The following TYW1 variants were observed in gnomAD, a reference collection of about 807,000 sequenced individuals.
TYW1 encodes the protein S-adenosyl-L-methionine-dependent tRNA 4-demethylwyosine synthase TYW1.
In TYW1, 46 loss-of-function variants were observed where a neutral mutation model predicts 96.2. The ratio of observed to expected loss-of-function variants is 0.48; its 90% CI spans 0.38 to 0.61. The LOEUF is 0.61. Ranked by LOEUF, TYW1 falls within the 20% of genes least tolerant of loss-of-function variation. TYW1 has a pLI of 0.00. For missense variants in TYW1, 684 were observed against 909.6 expected (o/e 0.75, Z 3.19); for synonymous variants, 274 against 323.0 (o/e 0.85, Z 1.63).
intron 15 of TYW1, among the ~76,000 whole-genome samples, chr7:67,197,175 C>T (rs529054180): frequency 1.3e-5 from 2 of 152,354 alleles, no homozygotes; most frequent in South Asian, 4.1e-4. Flanking sequence ...GCACCTGGCT[C>T]ATAGCATGAT....
intron 13 of TYW1, among the ~76,000 whole-genome samples, chr7:67,125,402 T>A (rs939655043): frequency 1.3e-5 from 2 of 148,316 alleles, no homozygotes; most frequent in African/African-American, 2.5e-5. Flanking sequence ...TTTTTTTTTT[T>A]AATGGACTTT....
At chr7:67,147,216 A>G (rs1168598260) in intron 13 of TYW1, among the ~76,000 whole-genome samples, 1 of 152,200 alleles carries the variant, frequency 6.6e-6, no homozygotes, top group Non-Finnish European at 1.5e-5. Context: ...TGTAAAGACT[A>G]CCTAGCGTTT....
intron 2 of TYW1, 118 bp from the exon 3 acceptor site, chr7:66,998,697 TAC>T (rs1793276091): frequency 2.5e-6 from 3 of 1,178,232 alleles, no homozygotes; most frequent in South Asian, 1.5e-5. Context: ...AAGAGAAAAA[TAC>T]AGTGTGTCAG....
rs142743102 is a variant in TYW1 at position 67,092,905 on chromosome 7, G to A, written c.1385-5636G>A. ...TCACCATGTTGTTCAGGCTGGTCTC[G>A]AACCCCTAACCTCATGATCCACCTG... On this transcript the variant is annotated intron_variant, in intron 11 of 15. Transcript: ENST00000359626. Among the ~76,000 whole-genome samples, 1,118 of 151,774 alleles carry A rather than the reference G, an allele frequency of 7.4e-3. 17 individuals carry two copies. Among genetic ancestry groups the A allele is most frequent in the African/African-American group, 0.024 (1,010 of 41,384 alleles).
intron 13 of TYW1, among the ~76,000 whole-genome samples, chr7:67,134,970 A>T (rs1798198675): frequency 1.3e-5 from 2 of 148,840 alleles, no homozygotes; most frequent in South Asian, 2.1e-4. Context: ...AAAAAAAAAA[A>T]ATCAACCAGG....
In TYW1 at chr7:66,996,965, C is replaced by A. The variant is rs1452105701; in HGVS notation, c.-14C>A. On this transcript the variant is annotated 5_prime_UTR_variant, in exon 1 of 16. Coordinates refer to ENST00000359626, the MANE Select transcript of TYW1 (RefSeq NM_018264.4). ...CAGGTCCGAGATCCTAGTCTCCTGT[C>A]GGCTCTGAGGAGGATGGGTAAGGGC... The A allele has an allele frequency of 6.2e-7, 1 of 1,614,152 alleles. No individual in the cohort carries two copies.
At chr7:67,000,073 C>T (rs1793326613) in intron 3 of TYW1, among the ~76,000 whole-genome samples, 1 of 151,400 alleles carries the variant, frequency 6.6e-6, no homozygotes. Context: ...GTATCTGGGA[C>T]TATAGGTGCA....
intron 12 of TYW1, among the ~76,000 whole-genome samples, chr7:67,100,818 C>G (rs1354096116): frequency 1.4e-5 from 2 of 139,328 alleles, no homozygotes; most frequent in South Asian, 2.3e-4. Context: ...GAGCCAAGAT[C>G]ACGCCACTGC....
At position 67,183,224 on chromosome 7, in the gene TYW1, C is replaced by T. The variant is rs767034362; in HGVS notation, c.1797C>T (p.Phe599=). 4.4e-6 allele frequency: 7 copies of T among 1,603,240 alleles called. No individual in the cohort carries two copies. Among genetic ancestry groups the T allele is most frequent in the Admixed American group, 1.7e-5 (1 of 58,938 alleles). The change falls in exon 14 of 16, where the codon TTC becomes TTT. Residue 599 remains phenylalanine, a synonymous_variant. Coordinates refer to ENST00000359626, the MANE Select transcript of TYW1 (RefSeq NM_018264.4). ...AQLVSLGNPD[F]IEVKGVTYCG... Reference sequence around the variant, plus strand: ...TCGTGTCCCTGGGGAATCCTGACTTCATCGAAGTGAAGGTAAGCCCCTGCT... The same window carrying T: ...TCGTGTCCCTGGGGAATCCTGACTTTATCGAAGTGAAGGTAAGCCCCTGCT...
chr7:67,228,197 A>G (rs59073608), intron 15 of TYW1, among the ~76,000 whole-genome samples: 6,062 of 152,238 alleles, frequency 0.04, 328 homozygotes, highest in East Asian at 0.18. Flanking sequence ...CATACCTGAG[A>G]TTGGGTAATT....
intron 12 of TYW1, among the ~76,000 whole-genome samples, chr7:67,117,177 T>C (rs17144722): frequency 0.32 from 48,158 of 152,038 alleles, 8,214 homozygotes; most frequent in African/African-American, 0.45. Flanking sequence ...GCTGTCAGAC[T>C]TGAAGTTAGA....
intron 13 of TYW1, among the ~76,000 whole-genome samples, chr7:67,168,002 C>T (rs929076590): frequency 6.6e-6 from 1 of 152,116 alleles, no homozygotes; most frequent in Non-Finnish European, 1.5e-5. Context: ...ATCCGCCCAC[C>T]TCGGCCTCCC....
chr7:67,218,487 G>C (rs1280874872), intron 15 of TYW1, among the ~76,000 whole-genome samples: 1 of 151,848 alleles, frequency 6.6e-6, no homozygotes, highest in Non-Finnish European at 1.5e-5. Flanking sequence ...CTGAGTAGCT[G>C]GGACTACAAG....
chr7:67,213,049 TTTTAGTA>T (rs1801090323), intron 15 of TYW1, among the ~76,000 whole-genome samples: 1 of 152,048 alleles, frequency 6.6e-6, no homozygotes, highest in African/African-American at 2.4e-5. Context: ...TTTTTTGTAT[TTTTAGTA>T]GAAACAGGGC....
chr7:67,082,459 T>A (rs1395084842), intron 10 of TYW1, among the ~76,000 whole-genome samples: 1 of 152,218 alleles, frequency 6.6e-6, no homozygotes, highest in Non-Finnish European at 1.5e-5. Flanking sequence ...GTGGAGGCAG[T>A]GGCATGACTT....
chr7:67,006,661 A>G (rs2129238463), intron 3 of TYW1, among the ~76,000 whole-genome samples: 1 of 151,832 alleles, frequency 6.6e-6, no homozygotes, highest in African/African-American at 2.4e-5. Flanking sequence ...GCTGGTCTCG[A>G]TCTCCTGACC....
intron 7 of TYW1, among the ~76,000 whole-genome samples, chr7:67,048,325 G>A (rs1324655550): frequency 6.6e-6 from 1 of 150,936 alleles, no homozygotes. Context: ...CTGGGGGCTG[G>A]ATGGCTGGAC....
At chr7:67,070,174 T>C (rs1795990321) in intron 10 of TYW1, among the ~76,000 whole-genome samples, 2 of 152,238 alleles carry the variant, frequency 1.3e-5, no homozygotes, top group South Asian at 2.1e-4. Context: ...CTTTGTCTTA[T>C]TCTTCCAACA....
At chr7:67,165,533 A>G (rs879202150) in intron 13 of TYW1, among the ~76,000 whole-genome samples, 4 of 151,796 alleles carry the variant, frequency 2.6e-5, no homozygotes, top group African/African-American at 7.3e-5. Flanking sequence ...GATTTTCTCT[A>G]TCTTCCCAGT....
Sources: gnomAD v4.1 joint callset for allele counts (sites outside exome capture counted in the v4.1 genomes callset) on GRCh38, gnomAD v4.1.1 for gene constraint, MANE v1.5 for transcripts, NCBI Gene and HGNC (gene_info 2026-07-23, HGNC 2026-07-21) for gene names.